The following WDR90 variants were observed in gnomAD, a reference collection of about 807,000 sequenced individuals.
WDR90 encodes WD repeat domain 90, also known as WD repeat-containing protein 90.
In WDR90, 238 loss-of-function variants were observed where a neutral mutation model predicts 195.2. The ratio of observed to expected loss-of-function variants is 1.22; its 90% CI spans 1.10 to 1.36. The LOEUF (loss-of-function observed/expected upper bound fraction) is 1.36. Ranked by LOEUF, WDR90 falls within the 40% of genes most tolerant of loss-of-function variation. WDR90 has a pLI of 0.00. For missense variants in WDR90, 2,734 were observed against 2,439.5 expected (o/e 1.12, Z -2.54); for synonymous variants, 1,265 against 1,052.4 (o/e 1.20, Z -3.91).
At chr16:660,995 T>TCCCCCCC in intron 28 of WDR90, 56 bp from the exon 29 acceptor site, 1 of 10,290 alleles carries the variant, frequency 9.7e-5, no homozygotes, top group Non-Finnish European at 1.5e-4. Context: ...CCCAGGCCCC[T>TCCCCCCC]CCCCGCCCCC....
Position 658,348 on chromosome 16 carries a change from A to G in WDR90, c.2766+4A>G. 6.2e-7 allele frequency: 1 copy of G among 1,611,920 alleles called. No homozygotes were observed. On this transcript the variant is annotated splice_donor_region_variant and intron_variant, in intron 22 of 40. Transcript: ENST00000293879. ...GTCGGGCCGCATCATCCGGGAGGTG[A>G]GCCTCAGGGCTGTGGCCCGCCGACC...
At chr16:650,859 G>A (rs2037631211) in intron 5 of WDR90, 136 bp from the exon 6 acceptor site, 1 of 1,475,374 alleles carries the variant, frequency 6.8e-7, no homozygotes, top group Admixed American at 1.8e-5. Context: ...GCAGCCCTGG[G>A]GTCAGAACCC....
chr16:666,918 T>A lies in WDR90; in HGVS notation c.5018T>A (p.Ile1673Lys). ...GGCTGCTCACAGGTGGTGGAGAAGA[T>A]ACCACTGCCCTTTTTTGCCATGTCC... ...NLCQKQVVEK[I>K]PLPFFAMSLS... Residue 1673 changes from isoleucine to lysine, a missense_variant, in exon 40 of 41, where the codon ATA becomes AAA. Physicochemically the swap from Ile to Lys is moderately radical, Grantham distance 102 (BLOSUM62 -3). Coordinates refer to ENST00000293879, the MANE Select transcript of WDR90 (RefSeq NM_145294.5). 1.2e-6 allele frequency: 2 copies of A among 1,613,190 alleles called. No individual in the cohort carries two copies. The highest frequency in any genetic ancestry group is 1.7e-6 in the Non-Finnish European group (2 of 1,179,854).
Position 662,072 on chromosome 16 carries a change from C to A in WDR90, c.4033+13C>A. The A allele has an allele frequency of 6.3e-7, 1 of 1,598,154 alleles. No individual in the cohort carries two copies. Among genetic ancestry groups the A allele is most frequent in the Non-Finnish European group, 8.5e-7 (1 of 1,177,918 alleles). ...GACGGTGGCATTGGTGAGTGCCCCG[C>A]AGAAGCCCTGTGGCCCTCAGGACCC... On this transcript the variant is annotated intron_variant, in intron 32 of 40. Coordinates refer to ENST00000293879, the MANE Select transcript of WDR90 (RefSeq NM_145294.5).
rs768468321 is a variant in WDR90 at position 651,704 on chromosome 16, G to A, written c.797G>A (p.Arg266Gln). ...CCGGTGGCCTCCAGCAAACCTGTGC[G>A]GTTCAGTGTGTCTCCAGTGGTCCAG... is the stretch of plus-strand genomic sequence containing the variant. ...PCPVASSKPV[R>Q]FSVSPVVQTP... Residue 266 changes from arginine to glutamine, a missense_variant, in exon 8 of 41, where the codon CGG becomes CAG. Transcript: ENST00000293879. 1.1e-4 allele frequency: 171 copies of A among 1,613,090 alleles called. No homozygotes were observed. The highest frequency in any genetic ancestry group is 1.7e-4 in the Middle Eastern group (1 of 6,060).
At chr16:652,096 GTAGCC>G in intron 9 of WDR90, 57 bp downstream of exon 9, 1 of 1,517,318 alleles carries the variant, frequency 6.6e-7, no homozygotes. Context: ...GGGGCAGCTG[GTAGCC>G]CGCCCCGAGA....
chr16:655,720 C>G lies in WDR90; in HGVS notation c.1849+17C>G. The G allele has an allele frequency of 6.3e-7, 1 of 1,582,948 alleles. No homozygotes were observed. Among genetic ancestry groups the G allele is most frequent in the Non-Finnish European group, 8.6e-7 (1 of 1,163,558 alleles). ...TCAGCTCAGGTAAGAGGGCGCCCAC[C>G]ACGTGGCCAGGGTGGCAGGGACACC... On this transcript the variant is annotated intron_variant, in intron 16 of 40. Coordinates refer to ENST00000293879, the MANE Select transcript of WDR90 (RefSeq NM_145294.5).
rs2037875207 is a variant in WDR90, at chr16:660,619, G to A, written c.3296G>A (p.Cys1099Tyr). The change falls in exon 28 of 41, where the codon TGC becomes TAC. Residue 1099 changes from cysteine (C) to tyrosine (Y), a missense_variant. Physicochemically the swap from Cys to Tyr is radical, Grantham distance 194. Coordinates refer to ENST00000293879, the MANE Select transcript of WDR90 (RefSeq NM_145294.5). ...SCSPHSAKGT[C>Y]PPPASGGWLR... is the part of the protein sequence containing the mutation. ...GGGTCTCCTTCCTCGCAGGGCACTTGCCCGCCTCCCGCCAGCGGTGGGTGG... is the reference window on the plus strand; with the variant it reads ...GGGTCTCCTTCCTCGCAGGGCACTTACCCGCCTCCCGCCAGCGGTGGGTGG... 1 of 1,566,100 alleles carries A rather than the reference G, an allele frequency of 6.4e-7. No homozygotes were observed. The highest frequency in any genetic ancestry group is 8.6e-7 in the Non-Finnish European group (1 of 1,156,234).
rs2037882175 is a variant in WDR90, at chr16:660,863, C to T, written c.3391+149C>T. The T allele has an allele frequency of 5.0e-6, 5 of 1,007,978 alleles. No individual in the cohort carries two copies. In the South Asian group the frequency reaches 8.7e-5, roughly 17 times the overall value. The allele number at this position is 1,007,978 out of a possible 1,614,324, so 62.4% of individuals were successfully genotyped here. A position where few individuals can be genotyped will look rare whatever the true frequency, so the allele number is the denominator to read the frequency against. ...CTCCCGGTAGCGCCTCCTGGCGCTC[C>T]AGCCGAGGTCCTGTGAAGCACTTTG... On this transcript the variant is annotated intron_variant, in intron 28 of 40. Coordinates refer to ENST00000293879, the MANE Select transcript of WDR90 (RefSeq NM_145294.5).
chr16:660,758 C>G lies in WDR90; in HGVS notation c.3391+44C>G, dbSNP rs932172449. 14 of 1,521,560 alleles carry G rather than the reference C, an allele frequency of 9.2e-6. No homozygotes were observed. The African/African-American group carries it at 1.5e-4, about 17-fold the overall frequency. 94.3% of individuals were successfully genotyped at this position (1,521,560 alleles called of 1,614,324 possible). ...CCCCCACCCCCAGCCAAGATGCGGC[C>G]GCGCGTGGTCCAGCCGTCTCCACCC... On this transcript the variant is annotated intron_variant, in intron 28 of 40. Coordinates refer to ENST00000293879, the MANE Select transcript of WDR90 (RefSeq NM_145294.5).
At position 661,779 on chromosome 16, in the gene WDR90, A is replaced by G; in HGVS notation, c.3856A>G (p.Ser1286Gly). 1 of 1,599,510 alleles carries G rather than the reference A, an allele frequency of 6.3e-7. No homozygotes were observed. The highest frequency in any genetic ancestry group is 8.5e-7 in the Non-Finnish European group (1 of 1,171,920). Residue 1286 changes from serine (S) to glycine (G), a missense_variant, in exon 31 of 41, where the codon AGC (serine) becomes GGC (glycine). Transcript: ENST00000293879. ...CCTTCAGCAGCGTGGGGCAGACATC[A>G]GCCTTCAGGTGCCACCCGTTCAGCG... ...WLLQQRGADISLQVRREPVPE... is the reference protein window; with the variant it reads ...WLLQQRGADIGLQVRREPVPE...
At chr16:650,764 G>C in intron 5 of WDR90, 55 bp downstream of exon 5, 1 of 1,583,210 alleles carries the variant, frequency 6.3e-7, no homozygotes, top group Non-Finnish European at 8.6e-7. Flanking sequence ...TCTCAGCCCT[G>C]GAGAGGCCCA....
chr16:653,769 T>C lies in WDR90; in HGVS notation c.1403T>C (p.Leu468Pro). The change falls in exon 13 of 41, where the codon CTC (leucine) becomes CCC (proline). Residue 468 changes from leucine (L) to proline (P), a missense_variant. Coordinates refer to ENST00000293879, the MANE Select transcript of WDR90 (RefSeq NM_145294.5). ...AGCTTCTCTGACAGCGGGGCCCTTC[T>C]CTGCGGGGTTGGCAAGGACCACCAC... Reference protein sequence around the residue: ...SLSFSDSGALLCGVGKDHHGR... With the variant: ...SLSFSDSGALPCGVGKDHHGR... 1 of 1,613,264 alleles carries C rather than the reference T, an allele frequency of 6.2e-7. No individual in the cohort carries two copies. Among genetic ancestry groups the C allele is most frequent in the Non-Finnish European group, 8.5e-7 (1 of 1,179,990 alleles).
Position 662,285 on chromosome 16 carries a change from G to A in WDR90, c.4099G>A (p.Ala1367Thr). The change falls in exon 33 of 41, where the codon GCC becomes ACC. Residue 1367 changes from alanine to threonine, a missense_variant. Coordinates refer to ENST00000293879, the MANE Select transcript of WDR90 (RefSeq NM_145294.5). Reference protein sequence around the residue: ...GSSTGRLRLWAVGAVSELRCK... With the variant: ...GSSTGRLRLWTVGAVSELRCK... ...CAGCACGGGGCGGCTGCGCCTGTGGGCCGTGGGGGCTGTGTCGGAGCTGAG... is the reference window on the plus strand; with the variant it reads ...CAGCACGGGGCGGCTGCGCCTGTGGACCGTGGGGGCTGTGTCGGAGCTGAG... The A allele has an allele frequency of 6.3e-7, 1 of 1,583,264 alleles. No homozygotes were observed. The highest frequency in any genetic ancestry group is 1.3e-5 in the African/African-American group (1 of 74,610).
intron 20 of WDR90, chr16:657,451 G>A (rs986518768): frequency 1.3e-6 from 1 of 776,704 alleles, no homozygotes; most frequent in South Asian, 1.9e-5. Flanking sequence ...GGAGGCGGCA[G>A]GCAGCCCAAG....
In WDR90 at chr16:655,674, C is replaced by A. The variant is rs1455281342; in HGVS notation, c.1820C>A (p.Pro607His). The A allele has an allele frequency of 6.2e-7, 1 of 1,600,736 alleles. No homozygotes were observed. The highest frequency in any genetic ancestry group is 2.2e-5 in the East Asian group (1 of 44,450). Residue 607 changes from proline to histidine, a missense_variant, in exon 16 of 41, where the codon CCC (proline) becomes CAC (histidine). Transcript: ENST00000293879. ...CTCCCCACACGGACTCCAGGCGGTCCCCACCCACAGAAGCAGACCTTCAGC... is the reference window on the plus strand; with the variant it reads ...CTCCCCACACGGACTCCAGGCGGTCACCACCCACAGAAGCAGACCTTCAGC... ...RLLPTRTPGGPHPQKQTFSSG... is the reference protein window; with the variant it reads ...RLLPTRTPGGHHPQKQTFSSG...
Position 666,108 on chromosome 16 carries a change from T to G in WDR90, c.4593T>G (p.Val1531=). 6.2e-7 allele frequency: 1 copy of G among 1,610,298 alleles called. No homozygotes were observed. The highest frequency in any genetic ancestry group is 8.5e-7 in the Non-Finnish European group (1 of 1,178,862). The part of the protein sequence containing the change: ...MHPHPVALTT[V]AFSTDGQTVL... The stretch of plus-strand genomic sequence containing the variant: ...CCCACCCGGTGGCGCTGACCACTGT[T>G]GCCTTCTCCACCGATGGTGAGGAGT... Residue 1531 remains valine, a synonymous_variant, in exon 36 of 41, where the codon GTT becomes GTG. Coordinates refer to ENST00000293879, the MANE Select transcript of WDR90 (RefSeq NM_145294.5).
intron 5 of WDR90, 39 bp downstream of exon 5, chr16:650,748 C>T (rs1456582015): frequency 6.3e-7 from 1 of 1,591,746 alleles, no homozygotes; most frequent in African/African-American, 1.3e-5. Flanking sequence ...CATATCTCAC[C>T]CATGCTCTCA....
At position 661,775 on chromosome 16, in the gene WDR90, C is replaced by T. The variant is rs1386245791; in HGVS notation, c.3852C>T (p.Asp1284=). The change falls in exon 31 of 41, where the codon GAC becomes GAT. Residue 1284 remains aspartate (D), a synonymous_variant. Coordinates refer to ENST00000293879, the MANE Select transcript of WDR90 (RefSeq NM_145294.5). ...GGCTCCTTCAGCAGCGTGGGGCAGACATCAGCCTTCAGGTGCCACCCGTTC... is the reference window on the plus strand; with the variant it reads ...GGCTCCTTCAGCAGCGTGGGGCAGATATCAGCCTTCAGGTGCCACCCGTTC... ...TFWLLQQRGA[D]ISLQVRREPV... 2 of 1,601,570 alleles carry T rather than the reference C, an allele frequency of 1.2e-6. No homozygotes were observed. The highest frequency in any genetic ancestry group is 3.4e-5 in the Admixed American group (2 of 58,732).
Sources: allele counts gnomAD v4.1 joint callset, GRCh38; gene constraint gnomAD v4.1.1; transcripts MANE v1.5; gene names NCBI Gene and HGNC (gene_info 2026-07-23, HGNC 2026-07-21).